The following ABL1 variants were observed in gnomAD, a reference collection of about 807,000 sequenced individuals.
The protein encoded by ABL1 is ABL proto-oncogene 1, non-receptor tyrosine kinase, also known as tyrosine-protein kinase ABL1.
ABL1 carries 11 observed loss-of-function variants against 94.7 expected under a neutral mutation model. That is an observed-to-expected ratio of 0.12 (90% CI 0.07 to 0.19). The LOEUF is 0.19. Ranked by LOEUF, ABL1 falls within the 10% of genes least tolerant of loss-of-function variation. The probability of loss-of-function intolerance (pLI) is 1.00; values close to 1 mark genes in which losing one functional copy is unlikely to be tolerated. For missense variants in ABL1, 1,082 were observed against 1,489.4 expected (o/e 0.73, Z 4.50); for synonymous variants, 656 against 622.4 (o/e 1.05, Z -0.80).
chr9:130,859,917 G>T (rs1281047820), intron 3 of ABL1, among the ~76,000 whole-genome samples: 1 of 152,030 alleles, frequency 6.6e-6, no homozygotes, highest in African/African-American at 2.4e-5. Context: ...CTGACCTCGT[G>T]ATCTGCCCTC....
chr9:130,769,002 A>G (rs1832218157), intron 1 of ABL1, among the ~76,000 whole-genome samples: 1 of 152,094 alleles, frequency 6.6e-6, no homozygotes, highest in Admixed American at 6.6e-5. Flanking sequence ...AGGTCTGTCG[A>G]TAGTGGTTAT....
intron 1 of ABL1, among the ~76,000 whole-genome samples, chr9:130,732,083 T>C (rs1337853917): frequency 2.0e-5 from 3 of 152,190 alleles, no homozygotes; most frequent in Non-Finnish European, 4.4e-5. Context: ...GTGGAGACCA[T>C]GTTTATACAT....
At chr9:130,786,573 G>A (rs981745825) in intron 1 of ABL1, among the ~76,000 whole-genome samples, 13 of 152,084 alleles carry the variant, frequency 8.5e-5, no homozygotes, top group Non-Finnish European at 1.8e-4. Context: ...CGGAATTTGC[G>A]GGCAGGGAAG....
At position 130,884,778 on chromosome 9, in the gene ABL1, C is replaced by T. The variant is rs1473732050; in HGVS notation, c.2488C>T (p.Leu830Phe). The T allele has an allele frequency of 1.2e-6, 2 of 1,611,226 alleles. No homozygotes were observed. The highest frequency in any genetic ancestry group is 8.5e-7 in the Non-Finnish European group (1 of 1,179,024). Residue 830 changes from leucine to phenylalanine, a missense_variant, in exon 11 of 11, where the codon CTC (leucine) becomes TTC (phenylalanine). Leu to Phe is a conservative substitution (Grantham distance 22). This residue lies in a region of ABL1 where 780 missense variants were observed against 835.8 expected (regional missense o/e 0.93). Transcript: ENST00000318560. This position sits in a 1 kb window ranked among gnomAD's most constrained non-coding sequence, Gnocchi z 5.6. ...GGTCACCGTGGCCCCTGCCTCGGGC[C>T]TCCCCCACAAGGAAGAAGCTGGAAA... ...RQVTVAPASG[L>F]PHKEEAGKGS...
At chr9:130,858,605 A>G (rs1211163375) in intron 3 of ABL1, among the ~76,000 whole-genome samples, 1 of 152,128 alleles carries the variant, frequency 6.6e-6, no homozygotes, top group Non-Finnish European at 1.5e-5. Flanking sequence ...GGAATGAGTG[A>G]ACATCGTTAG....
intron 1 of ABL1, among the ~76,000 whole-genome samples, chr9:130,751,337 C>T (rs370773235): frequency 5.3e-5 from 8 of 151,524 alleles, no homozygotes; most frequent in African/African-American, 1.9e-4. Flanking sequence ...GAGACAGCAT[C>T]TCACCATGCT....
At chr9:130,817,287 A>T (rs574901433) in intron 1 of ABL1, among the ~76,000 whole-genome samples, 1 of 152,368 alleles carries the variant, frequency 6.6e-6, no homozygotes, top group East Asian at 1.9e-4. Context: ...TAGCCGTAAT[A>T]AAGAAATCAA....
At chr9:130,717,110 T>C (rs562606913) in intron 1 of ABL1, among the ~76,000 whole-genome samples, 1 of 152,232 alleles carries the variant, frequency 6.6e-6, no homozygotes, top group South Asian at 2.1e-4. Context: ...TGGCATGATC[T>C]CGGCTCACTA....
At chr9:130,865,786 G>T (rs781328612) in intron 4 of ABL1, among the ~76,000 whole-genome samples, 2 of 151,358 alleles carry the variant, frequency 1.3e-5, no homozygotes, top group South Asian at 2.1e-4. Flanking sequence ...TCCTTGAGTG[G>T]ATTCTAAATC....
rs756173539 is a variant in ABL1, at chr9:130,884,366, G to A, written c.2076G>A (p.Thr692=). The A allele has an allele frequency of 9.4e-5, 152 of 1,611,870 alleles. No homozygotes were observed. In the South Asian group the frequency reaches 1.5e-3, roughly 16 times the overall value. The change falls in exon 11 of 11, where the codon ACG becomes ACA. Residue 692 remains threonine, a synonymous_variant. Coordinates refer to ENST00000318560, the MANE Select transcript of ABL1 (RefSeq NM_005157.6). The surrounding 1 kb of genome is among the most constrained non-coding windows in gnomAD (Gnocchi z 5.6). ...RSPHLWKKSS[T]LTSSRLATGE... ...CCCACCTGTGGAAGAAGTCCAGCAC[G>A]CTGACCAGCAGCCGCCTAGCCACCG...
In ABL1 at chr9:130,813,486, G is replaced by A. The variant is rs180873615; in HGVS notation, c.137-40578G>A. On this transcript the variant is annotated intron_variant, in intron 1 of 10. Coordinates refer to the ABL1 transcript ENST00000372348. Reference sequence around the variant, plus strand: ...TGAGGCAGGAGAATCACTTGAACCCGGGAGGATGAGGTTGCAGTGAGCCGA... The same window carrying A: ...TGAGGCAGGAGAATCACTTGAACCCAGGAGGATGAGGTTGCAGTGAGCCGA... Among the ~76,000 whole-genome samples the A allele has an allele frequency of 6.6e-4, 99 of 149,192 alleles. 1 individual carries two copies. Among genetic ancestry groups the A allele is most frequent in the Non-Finnish European group, 4.9e-4 (33 of 67,612 alleles).
chr9:130,800,381 G>A (rs1456585748), intron 1 of ABL1, among the ~76,000 whole-genome samples: 2 of 151,588 alleles, frequency 1.3e-5, no homozygotes, highest in East Asian at 3.9e-4. Context: ...CTTTGGTGAT[G>A]GATACACCAA....
At chr9:130,866,597 A>G (rs1377396978) in intron 4 of ABL1, among the ~76,000 whole-genome samples, 1 of 152,166 alleles carries the variant, frequency 6.6e-6, no homozygotes, top group Non-Finnish European at 1.5e-5. Flanking sequence ...GCAACTCCAT[A>G]GTGAACAAGT....
intron 4 of ABL1, among the ~76,000 whole-genome samples, chr9:130,864,880 G>GC (rs1384896856): frequency 6.6e-6 from 1 of 152,212 alleles, no homozygotes; most frequent in African/African-American, 2.4e-5. Context: ...TTTGTCAAAT[G>GC]AAGGAAGATT....
At chr9:130,868,740 G>A (rs891718727) in intron 4 of ABL1, among the ~76,000 whole-genome samples, 7 of 151,728 alleles carry the variant, frequency 4.6e-5, no homozygotes, top group Non-Finnish European at 5.9e-5. Flanking sequence ...GGCTGGTCTC[G>A]AACTCCTGGC....
rs968770330 is a variant in ABL1 at position 130,862,450 on chromosome 9, A to G, written c.550-313A>G. ...GGTTGGGGAAGACTTCACGGACCTT[A>G]AAACTGGCCTTGGAACGGGAAGCGA... On this transcript the variant is annotated intron_variant, in intron 3 of 10. Coordinates refer to ENST00000318560, the MANE Select transcript of ABL1 (RefSeq NM_005157.6). The surrounding 1 kb of genome is among the most constrained non-coding windows in gnomAD (Gnocchi z 5.5). Among the ~76,000 whole-genome samples the G allele has an allele frequency of 6.6e-6, 1 of 152,188 alleles. No homozygotes were observed. The highest frequency in any genetic ancestry group is 2.4e-5 in the African/African-American group (1 of 41,448).
At chr9:130,739,757 G>T (rs1385965660) in intron 1 of ABL1, among the ~76,000 whole-genome samples, 1 of 152,124 alleles carries the variant, frequency 6.6e-6, no homozygotes, top group Non-Finnish European at 1.5e-5. Context: ...TTGTAATAAT[G>T]TATAATCATG....
intron 1 of ABL1, among the ~76,000 whole-genome samples, chr9:130,853,170 CTTTTTTTTTT>C (rs11418318): frequency 1.6e-4 from 12 of 75,338 alleles, no homozygotes; most frequent in East Asian, 4.5e-4. Context: ...TTTGACTTTT[CTTTTTTTTTT>C]TTTTTTTTTT....
At chr9:130,801,821 C>G (rs556565434) in intron 1 of ABL1, among the ~76,000 whole-genome samples, 2 of 152,276 alleles carry the variant, frequency 1.3e-5, no homozygotes, top group African/African-American at 4.8e-5. Flanking sequence ...TGCCCTTTCT[C>G]TCTCACTGCT....
Sources: allele counts gnomAD v4.1 joint callset (sites outside exome capture counted in the v4.1 genomes callset), GRCh38; gene constraint gnomAD v4.1.1; regional missense constraint gnomAD v4.1.1; non-coding constraint Gnocchi (gnomAD v3.1); transcripts MANE v1.5; gene names NCBI Gene and HGNC (gene_info 2026-07-23, HGNC 2026-07-21).